The following PTGIS variants were observed in gnomAD, a reference collection of about 807,000 sequenced individuals.
The protein encoded by PTGIS is prostacyclin synthase.
Under a neutral mutation model 50.3 loss-of-function variants are expected in PTGIS, and 45 were observed. The ratio of observed to expected loss-of-function variants is 0.90; its 90% CI spans 0.70 to 1.15. PTGIS has a LOEUF of 1.15. PTGIS is among the 50% of genes most tolerant of loss of function. PTGIS has a pLI of 0.00. For missense variants in PTGIS, 668 were observed against 661.3 expected (o/e 1.01, Z -0.11); for synonymous variants, 260 against 267.7 (o/e 0.97, Z 0.28).
chr20:49,562,064 C>T (rs1982791723), intron 1 of PTGIS, among the ~76,000 whole-genome samples: 1 of 152,118 alleles, frequency 6.6e-6, no homozygotes. Flanking sequence ...GAGGAGGAAA[C>T]TGAGGTGCAG....
chr20:49,524,253 G>C lies in PTGIS; in HGVS notation c.674-14C>G, dbSNP rs45440898. The C allele has an allele frequency of 6.2e-7, 1 of 1,613,566 alleles. No homozygotes were observed. Among genetic ancestry groups the C allele is most frequent in the Non-Finnish European group, 8.5e-7 (1 of 1,179,866 alleles). On this transcript the variant is annotated splice_polypyrimidine_tract_variant and intron_variant, in intron 5 of 9. Transcript: ENST00000244043. The stretch of plus-strand genomic sequence containing the variant: ...GGTCCTTGTCCCCTGCAGGGACAGA[G>C]CACAGAGAGTAGGGGTTACAGATTC...
At position 49,513,249 on chromosome 20, in the gene PTGIS, C is replaced by T. The variant is rs1467868135; in HGVS notation, c.1037G>A (p.Ser346Asn). 9.9e-6 allele frequency: 16 copies of T among 1,613,534 alleles called. No homozygotes were observed. Among genetic ancestry groups the T allele is most frequent in the Non-Finnish European group, 1.4e-5 (16 of 1,179,994 alleles). The change falls in exon 8 of 10, where the codon AGT (serine) becomes AAT (asparagine). Residue 346 changes from serine (S) to asparagine (N), a missense_variant. Ser to Asn is a conservative substitution (Grantham distance 46). Coordinates refer to ENST00000244043, the MANE Select transcript of PTGIS (RefSeq NM_000961.4). ...DSTPVLDSVLSESLRLTAAPF... is the reference protein window; with the variant it reads ...DSTPVLDSVLNESLRLTAAPF... ...GGCAGCTGTAAGCCTGAGGCTCTCA[C>T]TCAGCACGCTATCTGCATGGGGCAG... is the stretch of plus-strand genomic sequence containing the variant.
intron 3 of PTGIS, among the ~76,000 whole-genome samples, chr20:49,544,839 A>C (rs1982317370): frequency 6.6e-6 from 1 of 152,200 alleles, no homozygotes; most frequent in Non-Finnish European, 1.5e-5. Flanking sequence ...TTCCCTCCCT[A>C]AGGCACACAG....
chr20:49,510,677 G>T (rs1981291610), intron 9 of PTGIS, among the ~76,000 whole-genome samples: 1 of 152,178 alleles, frequency 6.6e-6, no homozygotes, highest in Admixed American at 6.5e-5. Context: ...AGTTCGGCCA[G>T]TTCCTAACAT....
At chr20:49,533,425 C>T (rs1331245134) in intron 5 of PTGIS, among the ~76,000 whole-genome samples, 1 of 152,100 alleles carries the variant, frequency 6.6e-6, no homozygotes, top group Non-Finnish European at 1.5e-5. Context: ...GTCCCCTGCC[C>T]CCAACTCCCT....
chr20:49,557,873 C>T (rs1285157795), intron 1 of PTGIS, among the ~76,000 whole-genome samples: 2 of 152,088 alleles, frequency 1.3e-5, no homozygotes, highest in Admixed American at 6.5e-5. Flanking sequence ...ATGGGGATTA[C>T]CATACCTTCC....
chr20:49,567,786 G>C (rs1426687817), intron 1 of PTGIS, among the ~76,000 whole-genome samples: 1 of 152,190 alleles, frequency 6.6e-6, no homozygotes, highest in African/African-American at 2.4e-5. Flanking sequence ...GACTTGTCGC[G>C]GTGGGCGATT....
intron 1 of PTGIS, among the ~76,000 whole-genome samples, chr20:49,561,755 C>T (rs1414857532): frequency 1.3e-5 from 2 of 152,196 alleles, no homozygotes; most frequent in East Asian, 1.9e-4. Flanking sequence ...ATGCTACTGA[C>T]TGCATTGGGC....
At chr20:49,563,508 G>A (rs893751135) in intron 1 of PTGIS, among the ~76,000 whole-genome samples, 10 of 152,204 alleles carry the variant, frequency 6.6e-5, no homozygotes, top group Non-Finnish European at 1.3e-4. Context: ...GGAGTAGTGG[G>A]GACTGTGGCA....
chr20:49,548,134 T>C, intron 2 of PTGIS, 115 bp from the exon 3 acceptor site: 1 of 970,444 alleles, frequency 1.0e-6, no homozygotes, highest in Non-Finnish European at 1.6e-6. Flanking sequence ...TAACACACTA[T>C]GTTCTCTTAT....
At chr20:49,557,563 G>A (rs1157320278) in intron 1 of PTGIS, among the ~76,000 whole-genome samples, 6 of 148,584 alleles carry the variant, frequency 4.0e-5, no homozygotes, top group Admixed American at 6.7e-5. Context: ...AGAAAGAAAA[G>A]AAAAAAAAAA....
intron 5 of PTGIS, among the ~76,000 whole-genome samples, chr20:49,538,935 G>T (rs2040543459): frequency 6.6e-6 from 1 of 152,078 alleles, no homozygotes; most frequent in Non-Finnish European, 1.5e-5. Context: ...GCCCACCTCA[G>T]CCTCCCAAAG....
At position 49,547,977 on chromosome 20, in the gene PTGIS, G is replaced by T; in HGVS notation, c.241C>A (p.His81Asn). 6.2e-7 allele frequency: 1 copy of T among 1,614,156 alleles called. No homozygotes were observed. The highest frequency in any genetic ancestry group is 8.5e-7 in the Non-Finnish European group (1 of 1,180,026). ...GRYVTVLLDP[H>N]SYDAVVWEPR... ...TCCCACACCACCGCGTCGTAGGAGT[G>T]TGGGTCCAGGAGAACGGTGACATAC... Residue 81 changes from histidine (H) to asparagine (N), a missense_variant, in exon 3 of 10, where the codon CAC becomes AAC. Coordinates refer to ENST00000244043, the MANE Select transcript of PTGIS (RefSeq NM_000961.4).
chr20:49,531,715 C>T (rs1389637143), intron 5 of PTGIS, among the ~76,000 whole-genome samples: 1 of 152,182 alleles, frequency 6.6e-6, no homozygotes, highest in Non-Finnish European at 1.5e-5. Flanking sequence ...CACCCTCAAC[C>T]TCCTGGGCTC....
intron 6 of PTGIS, among the ~76,000 whole-genome samples, chr20:49,519,072 A>G (rs981801995): frequency 1.3e-5 from 2 of 152,130 alleles, no homozygotes; most frequent in African/African-American, 4.8e-5. Flanking sequence ...TGGCATTACC[A>G]GCATCAGTGG....
In PTGIS at chr20:49,513,258, C is replaced by T. The variant is rs1981376087; in HGVS notation, c.1028G>A (p.Ser343Asn). The T allele has an allele frequency of 2.5e-6, 4 of 1,613,352 alleles. No individual in the cohort carries two copies. Among genetic ancestry groups the T allele is most frequent in the Non-Finnish European group, 3.4e-6 (4 of 1,179,908 alleles). The change falls in exon 8 of 10, where the codon AGC (serine) becomes AAC (asparagine). Residue 343 changes from serine to asparagine, a missense_variant. Transcript: ENST00000244043. ...KVLDSTPVLD[S>N]VLSESLRLTA... ...AAGCCTGAGGCTCTCACTCAGCACG[C>T]TATCTGCATGGGGCAGGTGCAAGGA...
At chr20:49,560,979 G>A (rs1024166521) in intron 1 of PTGIS, among the ~76,000 whole-genome samples, 1 of 152,066 alleles carries the variant, frequency 6.6e-6, no homozygotes, top group Non-Finnish European at 1.5e-5. Context: ...AGGAAGGAAG[G>A]AGATGTGTCA....
chr20:49,533,972 CAT>C (rs372596578), intron 5 of PTGIS, among the ~76,000 whole-genome samples: 11,073 of 149,324 alleles, frequency 0.074, 1,245 homozygotes, highest in African/African-American at 0.25. Context: ...AAAGCAAAAA[CAT>C]ATATATATAT....
intron 6 of PTGIS, among the ~76,000 whole-genome samples, chr20:49,518,692 A>G (rs907973315): frequency 5.9e-5 from 9 of 151,876 alleles, no homozygotes; most frequent in African/African-American, 2.2e-4. Flanking sequence ...AACCCTCTTT[A>G]CAGATGGTGA....
Sources: gnomAD v4.1 joint callset for allele counts (sites outside exome capture counted in the v4.1 genomes callset) on GRCh38, gnomAD v4.1.1 for gene constraint, MANE v1.5 for transcripts, NCBI Gene and HGNC (gene_info 2026-07-23, HGNC 2026-07-21) for gene names.